The following TMCO5A variants were observed in gnomAD, a reference collection of about 807,000 sequenced individuals.
The protein encoded by TMCO5A is transmembrane and coiled-coil domain-containing protein 5A.
Under a neutral mutation model 42.3 loss-of-function variants are expected in TMCO5A, and 34 were observed. That is an observed-to-expected ratio of 0.80 (90% CI 0.61 to 1.07). The LOEUF is 1.07. TMCO5A is among the 50% of genes least tolerant of loss of function. The probability of loss-of-function intolerance (pLI) is 0.00; values close to 1 mark genes in which losing one functional copy is unlikely to be tolerated. For missense variants in TMCO5A, 357 were observed against 327.9 expected, an observed-to-expected ratio of 1.09 and a Z score of -0.69; for synonymous variants, 131 against 115.6, an observed-to-expected ratio of 1.13 and a Z score of -0.86.
chr15:38,009,743 C>T, the TMCO5A span, among the ~76,000 whole-genome samples: 1 of 152,134 alleles, frequency 6.6e-6, no homozygotes, highest in East Asian at 1.9e-4. Flanking sequence ...AGCTGTGTGA[C>T]CTGAGTCAAG....
the TMCO5A span, among the ~76,000 whole-genome samples, chr15:37,985,092 G>GA: frequency 6.6e-6 from 1 of 151,704 alleles, no homozygotes; most frequent in Non-Finnish European, 1.5e-5. Context: ...TAGAATGGGG[G>GA]ATGGAGCAAG....
At chr15:37,980,484 G>A in the TMCO5A span, among the ~76,000 whole-genome samples, 1 of 151,950 alleles carries the variant, frequency 6.6e-6, no homozygotes, top group Non-Finnish European at 1.5e-5. Context: ...TCTCTTCTCC[G>A]TTCTCCATGA....
chr15:37,942,228 T>C lies in TMCO5A; in HGVS notation c.542T>C (p.Leu181Pro), dbSNP rs920268927. Residue 181 changes from leucine (L) to proline (P), a missense_variant, in exon 9 of 12, where the codon CTA becomes CCA. Coordinates refer to ENST00000319669, the MANE Select transcript of TMCO5A (RefSeq NM_152453.4). ...QETLKKIEEELEALFLEREVS... is the reference protein window; with the variant it reads ...QETLKKIEEEPEALFLEREVS... ...ACGTTGAAGAAAATAGAAGAAGAAC[T>C]AGAGGCTCTGTTCCTTGAGAGAGAA... 8.7e-6 allele frequency: 14 copies of C among 1,612,990 alleles called. No homozygotes were observed. The highest frequency in any genetic ancestry group is 1.1e-5 in the Non-Finnish European group (13 of 1,179,284).
At chr15:37,992,096 A>G in the TMCO5A span, among the ~76,000 whole-genome samples, 1 of 152,168 alleles carries the variant, frequency 6.6e-6, no homozygotes, top group Non-Finnish European at 1.5e-5. Context: ...TTGCAAAACT[A>G]TGTATCTGAC....
At chr15:37,950,256 C>G (rs142874065) in intron 11 of TMCO5A, among the ~76,000 whole-genome samples, 12 of 101,330 alleles carry the variant, frequency 1.2e-4, no homozygotes, top group African/African-American at 2.4e-4. Flanking sequence ...CTAACATAGA[C>G]TTTTAATAGA....
At chr15:38,002,410 A>G in the TMCO5A span, among the ~76,000 whole-genome samples, 9,433 of 151,970 alleles carry the variant, frequency 0.062, 982 homozygotes, top group African/African-American at 0.21. Context: ...CTCTTTAAAT[A>G]TACTTTCCAC....
the TMCO5A span, among the ~76,000 whole-genome samples, chr15:38,023,424 A>G: frequency 6.6e-6 from 1 of 152,174 alleles, no homozygotes. Flanking sequence ...GTTTTCTTAT[A>G]TGATCTTTTT....
downstream of TMCO5A, among the ~76,000 whole-genome samples, chr15:37,951,754 T>G (rs1480208770): frequency 1.3e-5 from 2 of 152,008 alleles, no homozygotes; most frequent in East Asian, 3.9e-4. Context: ...AGGACACCAA[T>G]TTAACAACTA....
the TMCO5A span, among the ~76,000 whole-genome samples, chr15:38,005,395 CAAAAAAAAAAAAAAA>C: frequency 9.1e-5 from 4 of 44,030 alleles, no homozygotes; most frequent in African/African-American, 2.5e-4. Context: ...CCATCTCTAC[CAAAAAAAAAAAAAAA>C]AAAAAAAAAA....
chr15:37,961,309 A>G (rs368364286), intron 11 of TMCO5A, among the ~76,000 whole-genome samples: 4 of 152,042 alleles, frequency 2.6e-5, no homozygotes, highest in African/African-American at 7.2e-5. Flanking sequence ...TCCTTTCCCC[A>G]TATTACGTTT....
chr15:37,951,344 G>A lies in TMCO5A; in HGVS notation c.*110G>A, dbSNP rs80028141. 5,496 of 1,066,800 alleles carry A rather than the reference G, an allele frequency of 5.2e-3. 181 individuals carry two copies. The African/African-American group carries it at 0.071, about 14-fold the overall frequency. The allele number at this position is 1,066,800 out of a possible 1,614,324, so 66.1% of individuals were successfully genotyped here. A position where few individuals can be genotyped will look rare whatever the true frequency, so the allele number is the denominator to read the frequency against. On this transcript the variant is annotated 3_prime_UTR_variant, in exon 12 of 12. Coordinates refer to ENST00000319669, the MANE Select transcript of TMCO5A (RefSeq NM_152453.4). ...GATTTGCTTCAGTTTTTTCCTCACC[G>A]TTTGCCTGCTTGACTACCTTCTGTC...
At chr15:38,019,299 A>G in the TMCO5A span, among the ~76,000 whole-genome samples, 13 of 152,202 alleles carry the variant, frequency 8.5e-5, no homozygotes, top group Non-Finnish European at 1.9e-4. Context: ...GCAATCTGGA[A>G]CTAAAATTCT....
downstream of TMCO5A, among the ~76,000 whole-genome samples, chr15:37,955,832 C>G (rs1890274558): frequency 6.6e-6 from 1 of 152,024 alleles, no homozygotes; most frequent in African/African-American, 2.4e-5. Flanking sequence ...CAAAATTGAC[C>G]ACATAATTGG....
chr15:37,969,245 C>G (rs771173912), downstream of TMCO5A, among the ~76,000 whole-genome samples: 1 of 152,152 alleles, frequency 6.6e-6, no homozygotes, highest in Non-Finnish European at 1.5e-5. Flanking sequence ...TACTGAAGGA[C>G]TAAAAACATT....
intron 10 of TMCO5A, chr15:37,944,307 CT>C (rs1208873070): frequency 1.3e-5 from 2 of 152,116 alleles, no homozygotes; most frequent in African/African-American, 4.8e-5. Context: ...CGACCCACTT[CT>C]GTAGAACCAA....
At chr15:38,010,260 C>T in the TMCO5A span, among the ~76,000 whole-genome samples, 2 of 151,616 alleles carry the variant, frequency 1.3e-5, no homozygotes, top group Non-Finnish European at 2.9e-5. Flanking sequence ...CGTGTAGTCC[C>T]AGCTACTCGA....
At chr15:37,941,068 G>C (rs555873227) in intron 6 of TMCO5A, 81 bp from the exon 7 acceptor site, 28 of 1,398,408 alleles carry the variant, frequency 2.0e-5, no homozygotes, top group Admixed American at 5.1e-5. Context: ...CTCACAGCTC[G>C]TGAGGCCACC....
the TMCO5A span, among the ~76,000 whole-genome samples, chr15:38,031,768 A>G: frequency 1.3e-5 from 2 of 152,158 alleles, no homozygotes; most frequent in African/African-American, 2.4e-5. Context: ...TGATGAGATA[A>G]TAAATGATTA....
At chr15:37,969,588 G>A (rs1890634624), downstream of TMCO5A, among the ~76,000 whole-genome samples, 1 of 152,148 alleles carries the variant, frequency 6.6e-6, no homozygotes, top group Non-Finnish European at 1.5e-5. Context: ...AGGGGTACAT[G>A]TGCTTGTTTG....
Sources: allele counts gnomAD v4.1 joint callset (sites outside exome capture counted in the v4.1 genomes callset), GRCh38; gene constraint gnomAD v4.1.1; transcripts MANE v1.5; gene names NCBI Gene and HGNC (gene_info 2026-07-23, HGNC 2026-07-21).